Variants in LRRC72 observed in about 807,000 individuals in gnomAD.
The protein encoded by LRRC72 is leucine rich repeat containing 72.
Under a neutral mutation model 35.8 loss-of-function variants are expected in LRRC72, and 41 were observed. The ratio of observed to expected loss-of-function variants is 1.15; its 90% CI spans 0.89 to 1.49. LRRC72 has a LOEUF of 1.49. Ranked by LOEUF, LRRC72 falls within the 40% of genes most tolerant of loss-of-function variation. LRRC72 has a pLI of 0.00. For missense variants in LRRC72, 389 were observed against 330.7 expected (o/e 1.18, Z -1.37); for synonymous variants, 118 against 119.2 (o/e 0.99, Z 0.07).
intron 7 of LRRC72, among the ~76,000 whole-genome samples, chr7:16,568,674 A>G (rs1782891477): frequency 6.6e-6 from 1 of 152,190 alleles, no homozygotes; most frequent in Non-Finnish European, 1.5e-5. Flanking sequence ...TCTTAGATGC[A>G]CCAGACAAAA....
intron 3 of LRRC72, among the ~76,000 whole-genome samples, chr7:16,541,256 T>C (rs897144739): frequency 1.4e-4 from 21 of 152,268 alleles, no homozygotes; most frequent in Non-Finnish European, 7.3e-5. Flanking sequence ...AGTATATTGA[T>C]AACCCAATCT....
At chr7:16,539,764 G>A (rs1782324235) in intron 3 of LRRC72, among the ~76,000 whole-genome samples, 1 of 152,228 alleles carries the variant, frequency 6.6e-6, no homozygotes, top group Admixed American at 6.5e-5. Flanking sequence ...TTGCTTCAGA[G>A]GGTGCAAACC....
At chr7:16,567,946 C>T (rs1782878835) in intron 7 of LRRC72, among the ~76,000 whole-genome samples, 1 of 152,102 alleles carries the variant, frequency 6.6e-6, no homozygotes, top group South Asian at 2.1e-4. Flanking sequence ...TAAAGATCAT[C>T]TGCAATTCTA....
chr7:16,542,769 T>C (rs1440857473), intron 3 of LRRC72, among the ~76,000 whole-genome samples: 4 of 152,202 alleles, frequency 2.6e-5, no homozygotes, highest in African/African-American at 9.7e-5. Context: ...TTTTTTATCT[T>C]AGTAGCTATC....
At chr7:16,542,254 T>A (rs1176775866) in intron 3 of LRRC72, among the ~76,000 whole-genome samples, 1 of 152,148 alleles carries the variant, frequency 6.6e-6, no homozygotes, top group Non-Finnish European at 1.5e-5. Flanking sequence ...TAGAAAGGGA[T>A]CGCATGCACC....
At chr7:16,548,825 A>G (rs1413219797) in intron 3 of LRRC72, among the ~76,000 whole-genome samples, 1 of 152,230 alleles carries the variant, frequency 6.6e-6, no homozygotes, top group Non-Finnish European at 1.5e-5. Context: ...TGGTGAAGCA[A>G]TACCCCAAAG....
At chr7:16,546,418 C>T (rs1365243061) in intron 3 of LRRC72, among the ~76,000 whole-genome samples, 1 of 151,956 alleles carries the variant, frequency 6.6e-6, no homozygotes, top group Non-Finnish European at 1.5e-5. Flanking sequence ...CCCATTAATG[C>T]CAGGAGATGC....
chr7:16,555,502 G>T (rs1782635034), intron 3 of LRRC72, among the ~76,000 whole-genome samples: 1 of 152,208 alleles, frequency 6.6e-6, no homozygotes, highest in Admixed American at 6.5e-5. Flanking sequence ...GCCGGACATG[G>T]TGGCTCACGC....
chr7:16,548,230 C>T (rs1032436252), intron 3 of LRRC72, among the ~76,000 whole-genome samples: 2 of 152,204 alleles, frequency 1.3e-5, no homozygotes, highest in African/African-American at 4.8e-5. Flanking sequence ...GTCTTGCATA[C>T]CCTCCAGTTG....
In LRRC72 at chr7:16,527,595, T is replaced by A. The variant is rs182671968; in HGVS notation, c.90+553T>A. Among the ~76,000 whole-genome samples the A allele has an allele frequency of 1.1e-4, 17 of 152,056 alleles. No individual in the cohort carries two copies. In the East Asian group the frequency reaches 2.7e-3, roughly 24 times the overall value. Reference sequence around the variant, plus strand: ...AGTCGAGAGCAGTTAAGATAATGATTAAAAGAATATTTGGATATTTGGGTG... The same window carrying A: ...AGTCGAGAGCAGTTAAGATAATGATAAAAAGAATATTTGGATATTTGGGTG... On this transcript the variant is annotated intron_variant, in intron 1 of 8. Transcript: ENST00000401542.
chr7:16,535,182 C>T (rs1266044908), intron 2 of LRRC72, among the ~76,000 whole-genome samples: 1 of 152,004 alleles, frequency 6.6e-6, no homozygotes, highest in Non-Finnish European at 1.5e-5. Context: ...GAGCCAAACC[C>T]TTTCTAAAAA....
chr7:16,536,546 G>A (rs563500555), intron 2 of LRRC72, among the ~76,000 whole-genome samples: 61 of 151,634 alleles, frequency 4.0e-4, no homozygotes, highest in African/African-American at 1.4e-3. Context: ...TAGATAGTAT[G>A]AGCATGTGAC....
chr7:16,562,940 T>C (rs916662160), intron 5 of LRRC72, among the ~76,000 whole-genome samples: 1 of 152,130 alleles, frequency 6.6e-6, no homozygotes, highest in African/African-American at 2.4e-5. Flanking sequence ...AAAAAGCACA[T>C]GGTGTGTGGT....
chr7:16,547,117 C>G (rs1485792138), intron 3 of LRRC72, among the ~76,000 whole-genome samples: 1 of 152,186 alleles, frequency 6.6e-6, no homozygotes, highest in Admixed American at 6.5e-5. Context: ...TGGCCTTAAC[C>G]TCACTCCTTG....
chr7:16,566,243 G>T (rs202198954), intron 5 of LRRC72, 70 bp from the exon 6 acceptor site: 2 of 897,884 alleles, frequency 2.2e-6, no homozygotes, highest in Non-Finnish European at 3.2e-6. Flanking sequence ...TTAATTTTTT[G>T]TATTTTATAA....
At chr7:16,578,458 C>G (rs1783082745) in intron 7 of LRRC72, among the ~76,000 whole-genome samples, 1 of 152,124 alleles carries the variant, frequency 6.6e-6, no homozygotes, top group South Asian at 2.1e-4. Flanking sequence ...CCACTGCACT[C>G]CAGCCTGGGC....
chr7:16,556,950 C>T (rs1278362428), intron 3 of LRRC72, among the ~76,000 whole-genome samples: 4 of 152,140 alleles, frequency 2.6e-5, no homozygotes, highest in African/African-American at 9.6e-5. Flanking sequence ...GAAATGGCCT[C>T]GGCATAATCT....
chr7:16,578,193 T>A (rs1477269609), intron 7 of LRRC72, among the ~76,000 whole-genome samples: 1 of 152,250 alleles, frequency 6.6e-6, no homozygotes, highest in Non-Finnish European at 1.5e-5. Flanking sequence ...TATTCCATTA[T>A]AGAATTAATC....
chr7:16,570,399 T>A (rs1782922976), intron 7 of LRRC72, among the ~76,000 whole-genome samples: 1 of 152,246 alleles, frequency 6.6e-6, no homozygotes, highest in South Asian at 2.1e-4. Flanking sequence ...AGTGATTTCA[T>A]CCTGGTATCT....
Sources: allele counts gnomAD v4.1 joint callset (sites outside exome capture counted in the v4.1 genomes callset), GRCh38; gene constraint gnomAD v4.1.1; transcripts MANE v1.5; gene names NCBI Gene and HGNC (gene_info 2026-07-23, HGNC 2026-07-21).